TENM4: variants seen among roughly 807,000 people sequenced by gnomAD.
TENM4 encodes the protein teneurin transmembrane protein 4.
A neutral mutation model predicts 243.3 loss-of-function variants in TENM4; 82 were observed. That is an observed-to-expected ratio of 0.34 (90% CI 0.28 to 0.40). The LOEUF (loss-of-function observed/expected upper bound fraction) is 0.40, where lower values mean the gene tolerates loss of function less well. Ranked by LOEUF, TENM4 falls within the 10% of genes least tolerant of loss-of-function variation. The pLI is 1.00. For missense variants in TENM4, 3,138 were observed against 3,673.3 expected (o/e 0.85, Z 3.77); for synonymous variants, 1,412 against 1,456.3 (o/e 0.97, Z 0.69).
At chr11:79,325,028 A>T (rs1027023610) in intron 1 of TENM4, among the ~76,000 whole-genome samples, 1 of 152,170 alleles carries the variant, frequency 6.6e-6, no homozygotes, top group African/African-American at 2.4e-5. Flanking sequence ...GAGAAGGAGG[A>T]TACTGAAAGG....
At chr11:79,098,556 T>A (rs144306181) in intron 4 of TENM4, among the ~76,000 whole-genome samples, 1 of 152,202 alleles carries the variant, frequency 6.6e-6, no homozygotes, top group East Asian at 1.9e-4. Flanking sequence ...GCTGGCTGAG[T>A]CCATCAGAAT....
At chr11:78,707,365 C>CATGCTGG (rs1859283307) in intron 27 of TENM4, among the ~76,000 whole-genome samples, 2 of 152,252 alleles carry the variant, frequency 1.3e-5, no homozygotes, top group South Asian at 4.1e-4. Context: ...GTACTAAGGA[C>CATGCTGG]ATGCTGGATA....
chr11:78,829,820 C>T (rs1484633158), intron 12 of TENM4, among the ~76,000 whole-genome samples: 1 of 152,160 alleles, frequency 6.6e-6, no homozygotes, highest in Non-Finnish European at 1.5e-5. Flanking sequence ...TAGTGGCTGT[C>T]CCCTAGCTGG....
At chr11:79,338,864 C>A (rs73512774) in intron 1 of TENM4, among the ~76,000 whole-genome samples, 6,592 of 152,266 alleles carry the variant, frequency 0.043, 457 homozygotes, top group African/African-American at 0.15. Flanking sequence ...TGCCATCCAG[C>A]TGAGAGTAAT....
At chr11:79,354,662 T>C (rs1376304085) in intron 1 of TENM4, among the ~76,000 whole-genome samples, 1 of 152,252 alleles carries the variant, frequency 6.6e-6, no homozygotes, top group Non-Finnish European at 1.5e-5. Context: ...CAAAGAGGTC[T>C]GAAATACAGT....
At chr11:79,304,485 C>A (rs1052885163) in intron 1 of TENM4, among the ~76,000 whole-genome samples, 1 of 152,160 alleles carries the variant, frequency 6.6e-6, no homozygotes, top group African/African-American at 2.4e-5. Flanking sequence ...AATTATCAGG[C>A]CTTGGATTTT....
At chr11:78,907,261 T>C (rs79134500) in intron 6 of TENM4, among the ~76,000 whole-genome samples, 3 of 147,546 alleles carry the variant, frequency 2.0e-5, no homozygotes, top group Admixed American at 1.3e-4. Flanking sequence ...TTTTTTTTTT[T>C]TGCTCCTATG....
intron 3 of TENM4, among the ~76,000 whole-genome samples, chr11:79,161,131 T>A (rs1448706260): frequency 6.6e-6 from 1 of 152,212 alleles, no homozygotes; most frequent in Admixed American, 6.5e-5. Context: ...TCTATCCCCC[T>A]GGCTGAGATT....
chr11:78,690,849 T>G (rs1159770573), intron 28 of TENM4, among the ~76,000 whole-genome samples: 3 of 152,198 alleles, frequency 2.0e-5, no homozygotes, highest in Non-Finnish European at 4.4e-5. Flanking sequence ...GGCTGACTCT[T>G]TGAACACCTG....
At chr11:79,329,181 A>T (rs1233286221) in intron 1 of TENM4, among the ~76,000 whole-genome samples, 1 of 152,146 alleles carries the variant, frequency 6.6e-6, no homozygotes, top group Non-Finnish European at 1.5e-5. Context: ...CTTTTCCCTC[A>T]TGGCATGTAG....
In TENM4 at chr11:78,661,548, G is replaced by A. The variant is rs1276773707; in HGVS notation, c.7452C>T (p.Asn2484=). Reference sequence around the variant, plus strand: ...CTGGTTTGGGATAACCAGGGATCACGTTGTGTAGCTGGAATCCAAAGGTGA... The same window carrying A: ...CTGGTTTGGGATAACCAGGGATCACATTGTGTAGCTGGAATCCAAAGGTGA... ...WLLTFGFQLH[N]VIPGYPKPDM... Residue 2484 remains asparagine, a synonymous_variant, in exon 33 of 34, where the codon AAC becomes AAT. Coordinates refer to ENST00000278550, the MANE Select transcript of TENM4 (RefSeq NM_001098816.3). 5.6e-6 allele frequency: 9 copies of A among 1,613,262 alleles called. No individual in the cohort carries two copies. The highest frequency in any genetic ancestry group is 4.0e-5 in the African/African-American group (3 of 74,908).
rs186936145 is a variant in TENM4, at chr11:78,825,431, T to C, written c.1682-11036A>G. 3.4e-3 allele frequency among the ~76,000 whole-genome samples: 511 copies of C among 152,348 alleles called. 2 individuals are homozygous for C. Among genetic ancestry groups the C allele is most frequent in the Admixed American group, 5.6e-3 (86 of 15,306 alleles). On this transcript the variant is annotated intron_variant, in intron 12 of 33. Coordinates refer to ENST00000278550, the MANE Select transcript of TENM4 (RefSeq NM_001098816.3). ...AGCCATCTGAAAGCTTGTTAAAACA[T>C]GGATTGCTGGGCCCTACCCACCAGA...
At chr11:79,042,976 G>C (rs1247788737) in intron 6 of TENM4, among the ~76,000 whole-genome samples, 1 of 152,194 alleles carries the variant, frequency 6.6e-6, no homozygotes, top group Non-Finnish European at 1.5e-5. Context: ...AGCACGTCTT[G>C]CCACAAAAGC....
intron 4 of TENM4, among the ~76,000 whole-genome samples, chr11:79,140,834 G>A (rs1354700431): frequency 2.0e-5 from 3 of 152,074 alleles, no homozygotes; most frequent in Admixed American, 2.0e-4. Context: ...TAGTGCAGTG[G>A]CGTTTCTGCT....
chr11:79,417,281 G>C (rs1858837713), intron 1 of TENM4, among the ~76,000 whole-genome samples: 1 of 152,230 alleles, frequency 6.6e-6, no homozygotes, highest in Admixed American at 6.5e-5. Flanking sequence ...AGGCAGTGTA[G>C]TGCAAGGGAA....
chr11:79,171,222 T>A (rs1591330926), intron 3 of TENM4, among the ~76,000 whole-genome samples: 1 of 152,356 alleles, frequency 6.6e-6, no homozygotes, highest in East Asian at 1.9e-4. Context: ...CCTTGGTATC[T>A]ACAAATGTCC....
intron 4 of TENM4, among the ~76,000 whole-genome samples, chr11:79,120,313 A>C (rs1264589400): frequency 6.6e-6 from 1 of 152,184 alleles, no homozygotes; most frequent in Non-Finnish European, 1.5e-5. Context: ...ACACAGTAAC[A>C]CCTGTACTCA....
At chr11:79,377,427 T>G (rs1857913350) in intron 1 of TENM4, among the ~76,000 whole-genome samples, 1 of 152,166 alleles carries the variant, frequency 6.6e-6, no homozygotes, top group African/African-American at 2.4e-5. Context: ...GAACTAGAAT[T>G]CTCATCCAGG....
intron 3 of TENM4, among the ~76,000 whole-genome samples, chr11:79,161,877 G>A (rs145902561): frequency 6.6e-6 from 1 of 152,144 alleles, no homozygotes; most frequent in African/African-American, 2.4e-5. Context: ...ACCCAAGTGC[G>A]CACTTAGACA....
Sources: allele counts gnomAD v4.1 joint callset (sites outside exome capture counted in the v4.1 genomes callset), GRCh38; gene constraint gnomAD v4.1.1; transcripts MANE v1.5; gene names NCBI Gene and HGNC (gene_info 2026-07-23, HGNC 2026-07-21).